Variants in RNF150 observed in about 807,000 individuals in gnomAD.
RNF150 encodes the protein ring finger protein 150.
Under a neutral mutation model 39.3 loss-of-function variants are expected in RNF150, and 24 were observed. That is an observed-to-expected ratio of 0.61 (90% CI 0.44 to 0.86). The LOEUF (loss-of-function observed/expected upper bound fraction) is 0.86. Ranked by LOEUF, RNF150 falls within the 40% of genes least tolerant of loss-of-function variation. RNF150 has a pLI of 0.00. For synonymous variants in RNF150, 255 were observed against 227.3 expected, an observed-to-expected ratio of 1.12 and a Z score of -1.10; for missense variants, 502 against 587.8, an observed-to-expected ratio of 0.85 and a Z score of 1.51.
At chr4:141,122,699 T>C (rs945452465) in intron 1 of RNF150, among the ~76,000 whole-genome samples, 4 of 152,220 alleles carry the variant, frequency 2.6e-5, no homozygotes, top group African/African-American at 9.6e-5. Context: ...TTTCAAAATG[T>C]ATGATTAAAT....
Position 140,987,947 on chromosome 4 carries a change from C to T in RNF150, c.485-20074G>A, listed in dbSNP as rs1734066688. Among the ~76,000 whole-genome samples the T allele has an allele frequency of 2.0e-5, 3 of 152,078 alleles. 1 individual carries two copies. The South Asian group carries it at 6.2e-4, about 32-fold the overall frequency. ...AATCCTATTAAAAATGGACAAAAGA[C>T]ATGAACAGACACTTCTCAAAAGAAG... On this transcript the variant is annotated intron_variant, in intron 1 of 6. Coordinates refer to ENST00000515673, the MANE Select transcript of RNF150 (RefSeq NM_020724.2).
At chr4:141,004,839 T>A (rs1734805764) in intron 1 of RNF150, among the ~76,000 whole-genome samples, 1 of 152,160 alleles carries the variant, frequency 6.6e-6, no homozygotes, top group Non-Finnish European at 1.5e-5. Context: ...AAATATCTAC[T>A]CTGTACATGT....
chr4:141,082,340 A>G (rs1456757869), intron 1 of RNF150, among the ~76,000 whole-genome samples: 2 of 152,236 alleles, frequency 1.3e-5, no homozygotes, highest in Non-Finnish European at 2.9e-5. Context: ...ACAACAACGT[A>G]ATTTTGAAAC....
chr4:140,921,447 A>G (rs537074449), intron 5 of RNF150, among the ~76,000 whole-genome samples: 5 of 152,200 alleles, frequency 3.3e-5, no homozygotes, highest in Admixed American at 6.5e-5. Flanking sequence ...ATAGACCAAT[A>G]ACAGCATCTG....
At chr4:141,057,848 T>C (rs1737046050) in intron 1 of RNF150, among the ~76,000 whole-genome samples, 1 of 152,174 alleles carries the variant, frequency 6.6e-6, no homozygotes, top group African/African-American at 2.4e-5. Flanking sequence ...CAGAAGCCCT[T>C]GTGCTCTGAA....
At chr4:140,909,474 C>T (rs866651450) in intron 6 of RNF150, among the ~76,000 whole-genome samples, 3 of 151,982 alleles carry the variant, frequency 2.0e-5, no homozygotes, top group Non-Finnish European at 4.4e-5. Context: ...AAGTTCTTTA[C>T]TGTTTACTTC....
rs185090598 is a variant in RNF150 at position 141,114,927 on chromosome 4, C to T, written c.484+17398G>A. 2.8e-3 allele frequency among the ~76,000 whole-genome samples: 421 copies of T among 152,118 alleles called. 1 individual carries two copies. The highest frequency in any genetic ancestry group is 9.5e-3 in the African/African-American group (396 of 41,512). ...TCTCACAAGATGCACAAAAGGCTTT[C>T]GATACAATTCAACACCTCTTCATGA... On this transcript the variant is annotated intron_variant, in intron 1 of 6. Coordinates refer to ENST00000515673, the MANE Select transcript of RNF150 (RefSeq NM_020724.2).
intron 2 of RNF150, among the ~76,000 whole-genome samples, chr4:140,960,087 AAC>A (rs375935127): frequency 6.6e-6 from 1 of 152,236 alleles, no homozygotes; most frequent in East Asian, 1.9e-4. Flanking sequence ...TTCTAAATTT[AAC>A]ATCGTCAAAT....
intron 6 of RNF150, among the ~76,000 whole-genome samples, chr4:140,888,204 G>A (rs1016338881): frequency 1.3e-5 from 2 of 152,184 alleles, no homozygotes; most frequent in African/African-American, 4.8e-5. Context: ...GGATGGGGAG[G>A]AGGGGATGGC....
intron 1 of RNF150, among the ~76,000 whole-genome samples, chr4:141,040,167 C>CCATA (rs1553940135): frequency 4.0e-5 from 6 of 150,604 alleles, no homozygotes; most frequent in Non-Finnish European, 5.9e-5. Flanking sequence ...GGTAACACAA[C>CCATA]CACACACACA....
chr4:141,189,536 G>A (rs924806208), intron 1 of RNF150, among the ~76,000 whole-genome samples: 1 of 152,188 alleles, frequency 6.6e-6, no homozygotes, highest in African/African-American at 2.4e-5. Context: ...CCAGGGAGAT[G>A]AGAGTTTTAT....
At chr4:141,010,400 T>C (rs185929985) in intron 1 of RNF150, among the ~76,000 whole-genome samples, 2 of 152,316 alleles carry the variant, frequency 1.3e-5, no homozygotes, top group African/African-American at 4.8e-5. Flanking sequence ...AAAGACCAAC[T>C]TATGCCAAAG....
intron 1 of RNF150, among the ~76,000 whole-genome samples, chr4:141,197,290 A>G (rs1728216445): frequency 6.6e-6 from 1 of 152,206 alleles, no homozygotes; most frequent in African/African-American, 2.4e-5. Flanking sequence ...TAACAAATTT[A>G]GTTTTACATG....
intron 1 of RNF150, among the ~76,000 whole-genome samples, chr4:141,167,131 G>C (rs930624593): frequency 2.6e-5 from 4 of 152,182 alleles, no homozygotes; most frequent in African/African-American, 9.6e-5. Flanking sequence ...AAAATCAAAA[G>C]CATTCATATA....
chr4:141,017,468 T>C (rs1053529054), intron 1 of RNF150, among the ~76,000 whole-genome samples: 1 of 152,182 alleles, frequency 6.6e-6, no homozygotes, highest in African/African-American at 2.4e-5. Flanking sequence ...ATTAATGTGG[T>C]ACATTTGCTA....
At chr4:141,089,805 C>T (rs1738510696) in intron 1 of RNF150, among the ~76,000 whole-genome samples, 1 of 152,182 alleles carries the variant, frequency 6.6e-6, no homozygotes, top group Non-Finnish European at 1.5e-5. Context: ...TTGTCAAACT[C>T]TTACTTTCGT....
intron 2 of RNF150, among the ~76,000 whole-genome samples, chr4:140,958,319 C>G (rs1560986652): frequency 1.3e-5 from 2 of 152,052 alleles, no homozygotes; most frequent in Admixed American, 6.6e-5. Flanking sequence ...GACAGCCTTG[C>G]TTCTAAAGCC....
chr4:141,029,868 A>G (rs1030211961), intron 1 of RNF150, among the ~76,000 whole-genome samples: 5 of 152,204 alleles, frequency 3.3e-5, no homozygotes, highest in African/African-American at 1.2e-4. Context: ...ACTTAAATAG[A>G]CATTTCTCCA....
At chr4:140,980,137 G>C (rs906341397) in intron 1 of RNF150, among the ~76,000 whole-genome samples, 1 of 152,012 alleles carries the variant, frequency 6.6e-6, no homozygotes, top group Non-Finnish European at 1.5e-5. Flanking sequence ...CTGCCTCCTG[G>C]GTTCAAGTGA....
Sources: gnomAD v4.1 joint callset for allele counts (sites outside exome capture counted in the v4.1 genomes callset) on GRCh38, gnomAD v4.1.1 for gene constraint, MANE v1.5 for transcripts, NCBI Gene and HGNC (gene_info 2026-07-23, HGNC 2026-07-21) for gene names.